Variants in TAFA1 observed in about 807,000 individuals in gnomAD.
TAFA1 encodes TAFA chemokine like family member 1.
TAFA1 carries 4 observed loss-of-function variants against 18.5 expected under a neutral mutation model. That is an observed-to-expected ratio of 0.22 (90% confidence interval 0.11 to 0.49). The LOEUF (loss-of-function observed/expected upper bound fraction) is 0.49. Among genes scored for constraint, TAFA1 ranks in the 20% least tolerant of loss-of-function variants. The pLI, the probability that TAFA1 is intolerant of heterozygous loss-of-function variation, is 0.98. For missense variants in TAFA1, 147 were observed against 169.0 expected (o/e 0.87, Z 0.72); for synonymous variants, 56 against 55.2 (o/e 1.01, Z -0.06).
chr3:68,092,587 G>A (rs1388237783), intron 2 of TAFA1, among the ~76,000 whole-genome samples: 2 of 152,132 alleles, frequency 1.3e-5, no homozygotes, highest in East Asian at 3.9e-4. Flanking sequence ...GTCATGTTCT[G>A]CCAGTAAATT....
In TAFA1 at chr3:68,425,434, C is replaced by A. The variant is rs375587620; in HGVS notation, c.259+8014C>A. On this transcript the variant is annotated intron_variant, in intron 3 of 4. Coordinates refer to ENST00000478136, the MANE Select transcript of TAFA1 (RefSeq NM_213609.4). The stretch of plus-strand genomic sequence containing the variant: ...CAGAAGACATTTATAAAGGGAAATT[C>A]GATTGTTCTTATTAGAAGAGGATCT... 7.2e-5 allele frequency among the ~76,000 whole-genome samples: 11 copies of A among 151,986 alleles called. No individual in the cohort carries two copies. In the South Asian group the frequency reaches 2.3e-3, roughly 32 times the overall value.
chr3:68,227,936 G>A (rs2066823811), intron 2 of TAFA1, among the ~76,000 whole-genome samples: 1 of 152,202 alleles, frequency 6.6e-6, no homozygotes, highest in African/African-American at 2.4e-5. Context: ...GTAACTTGGA[G>A]TGGAGCATAT....
At chr3:68,518,126 T>G (rs1171670883) in intron 3 of TAFA1, among the ~76,000 whole-genome samples, 1 of 152,226 alleles carries the variant, frequency 6.6e-6, no homozygotes. Flanking sequence ...CAGACATCCC[T>G]TTTTCAACCT....
chr3:68,144,251 G>A (rs2065708855), intron 2 of TAFA1, among the ~76,000 whole-genome samples: 1 of 152,096 alleles, frequency 6.6e-6, no homozygotes, highest in Non-Finnish European at 1.5e-5. Context: ...TTTGCTGTAT[G>A]TTGCCTGTCC....
At chr3:68,465,030 C>A (rs536400784) in intron 3 of TAFA1, among the ~76,000 whole-genome samples, 1 of 152,056 alleles carries the variant, frequency 6.6e-6, no homozygotes, top group Non-Finnish European at 1.5e-5. Flanking sequence ...AGTCCTAAAC[C>A]GTACAAAATA....
intron 2 of TAFA1, among the ~76,000 whole-genome samples, chr3:68,408,548 T>G (rs1386955979): frequency 6.6e-6 from 1 of 152,200 alleles, no homozygotes; most frequent in Non-Finnish European, 1.5e-5. Context: ...ACATTCTGTC[T>G]TTCTTCTTCT....
chr3:68,119,706 G>A (rs1471032623), intron 2 of TAFA1, among the ~76,000 whole-genome samples: 2 of 152,182 alleles, frequency 1.3e-5, no homozygotes, highest in East Asian at 3.9e-4. Context: ...GCTTATTTCA[G>A]AGTGCTCTAA....
chr3:68,398,934 G>C (rs2106739554), intron 2 of TAFA1, among the ~76,000 whole-genome samples: 1 of 152,202 alleles, frequency 6.6e-6, no homozygotes, highest in African/African-American at 2.4e-5. Context: ...AAATAAAGTA[G>C]AAAAATTTCT....
intron 2 of TAFA1, among the ~76,000 whole-genome samples, chr3:68,328,942 CAA>C (rs747748984): frequency 6.6e-5 from 10 of 151,706 alleles, no homozygotes; most frequent in Non-Finnish European, 1.3e-4. Context: ...AAGGCAAAAA[CAA>C]AATGGCATCA....
chr3:68,263,673 A>G (rs1048087994), intron 2 of TAFA1, among the ~76,000 whole-genome samples: 1 of 151,696 alleles, frequency 6.6e-6, no homozygotes, highest in Admixed American at 6.6e-5. Context: ...GGCGGTCAGG[A>G]CTCAAAGTCA....
chr3:68,069,510 A>G (rs2064725173), intron 2 of TAFA1, among the ~76,000 whole-genome samples: 1 of 152,130 alleles, frequency 6.6e-6, no homozygotes, highest in African/African-American at 2.4e-5. Flanking sequence ...TTGGGTGGGG[A>G]CACAGCCAAA....
chr3:68,070,974 A>G (rs1389462741), intron 2 of TAFA1, among the ~76,000 whole-genome samples: 2 of 152,222 alleles, frequency 1.3e-5, no homozygotes, highest in Admixed American at 6.5e-5. Context: ...AAACTTCCCC[A>G]CATTTTCTTG....
chr3:68,238,366 G>A (rs2066956232), intron 2 of TAFA1, among the ~76,000 whole-genome samples: 1 of 152,104 alleles, frequency 6.6e-6, no homozygotes, highest in Non-Finnish European at 1.5e-5. Context: ...TTCCTTATTG[G>A]TTACATGAAC....
chr3:68,175,582 G>A (rs562784089), intron 2 of TAFA1, among the ~76,000 whole-genome samples: 6 of 152,190 alleles, frequency 3.9e-5, no homozygotes, highest in South Asian at 2.1e-4. Context: ...TCTTTGTTTC[G>A]GCCAATCTCT....
intron 3 of TAFA1, among the ~76,000 whole-genome samples, chr3:68,501,304 G>A (rs1000279767): frequency 4.6e-5 from 7 of 151,942 alleles, no homozygotes; most frequent in African/African-American, 7.3e-5. Context: ...TGAATACTGC[G>A]AAGTCAAACC....
chr3:68,118,998 A>G (rs1375817210), intron 2 of TAFA1, among the ~76,000 whole-genome samples: 1 of 152,022 alleles, frequency 6.6e-6, no homozygotes, highest in Non-Finnish European at 1.5e-5. Flanking sequence ...CCAACAGTGT[A>G]CAAATGACAC....
At chr3:68,376,955 C>T (rs751065996) in intron 2 of TAFA1, among the ~76,000 whole-genome samples, 5 of 152,148 alleles carry the variant, frequency 3.3e-5, no homozygotes, top group Admixed American at 1.3e-4. Flanking sequence ...CCTTCACATG[C>T]TCCTCTCTCT....
intron 3 of TAFA1, among the ~76,000 whole-genome samples, chr3:68,445,338 A>G (rs2106879978): frequency 6.6e-6 from 1 of 152,248 alleles, no homozygotes; most frequent in African/African-American, 2.4e-5. Context: ...TTTGATCCAA[A>G]TTTGTGTAGT....
At chr3:68,253,115 G>A (rs192706464) in intron 2 of TAFA1, among the ~76,000 whole-genome samples, 26 of 152,194 alleles carry the variant, frequency 1.7e-4, no homozygotes, top group African/African-American at 5.8e-4. Flanking sequence ...TGTGAGAACC[G>A]ACTAATACAG....
Sources: allele counts gnomAD v4.1 joint callset (sites outside exome capture counted in the v4.1 genomes callset), GRCh38; gene constraint gnomAD v4.1.1; transcripts MANE v1.5; gene names NCBI Gene and HGNC (gene_info 2026-07-23, HGNC 2026-07-21).